Variants in SLC9C2 observed in about 807,000 individuals in gnomAD.
The protein encoded by SLC9C2 is sodium/hydrogen exchanger 11.
A neutral mutation model predicts 140.2 loss-of-function variants in SLC9C2; 75 were observed. The observed-to-expected ratio is 0.53, with a 90% CI of 0.44 to 0.65. The LOEUF is 0.65. Among genes scored for constraint, SLC9C2 ranks in the 30% least tolerant of loss-of-function variants. The probability of loss-of-function intolerance (pLI) is 0.00; values close to 1 mark genes in which losing one functional copy is unlikely to be tolerated. For synonymous variants in SLC9C2, 375 were observed against 420.9 expected (o/e 0.89, Z 1.34); for missense variants, 1,074 against 1,331.8 (o/e 0.81, Z 3.01).
chr1:173,600,157 G>T lies in SLC9C2; in HGVS notation c.188C>A (p.Ser63Ter), dbSNP rs772755487. 6.8e-6 allele frequency: 11 copies of T among 1,611,566 alleles called. No individual in the cohort carries two copies. Among genetic ancestry groups the T allele is most frequent in the Non-Finnish European group, 9.3e-6 (11 of 1,178,754 alleles). The change falls in exon 3 of 28, where the codon TCA (serine) becomes TAA (stop). Residue 63 changes from serine (S) to a stop codon, truncating the protein, a stop_gained. Coordinates refer to ENST00000367714, the MANE Select transcript of SLC9C2 (RefSeq NM_178527.4). LOFTEE classifies it high-confidence loss of function. The part of the protein sequence containing the change: ...EVIVLTILSL[S>*]GFVIGHMAYN... ...GGCCATGTGTCCTATCACGAATCCT[G>T]ATAGAGAAAGAATCGTCAAAACAAT... is the stretch of plus-strand genomic sequence containing the variant.
rs777198166 is a variant in SLC9C2, at chr1:173,529,930, A to G, written c.2288T>C (p.Ile763Thr). Reference sequence around the variant, plus strand: ...CTGATATATTGATTCACAGACAGCTATTTGTTTTATTAGAAGTTTGGCATC... The same window carrying G: ...CTGATATATTGATTCACAGACAGCTGTTTGTTTTATTAGAAGTTTGGCATC... The part of the protein sequence containing the change: ...QEDAKLLIKQ[I>T]AVCESIYQKL... The change falls in exon 18 of 28, where the codon ATA becomes ACA. Residue 763 changes from isoleucine (I) to threonine (T), a missense_variant. Transcript: ENST00000367714. The G allele has an allele frequency of 1.2e-6, 2 of 1,611,316 alleles. No individual in the cohort carries two copies. Among genetic ancestry groups the G allele is most frequent in the Admixed American group, 1.7e-5 (1 of 59,380 alleles).
At chr1:173,597,502 G>GA (rs11410454) in intron 4 of SLC9C2, among the ~76,000 whole-genome samples, 24,102 of 151,964 alleles carry the variant, frequency 0.16, 6,354 homozygotes, top group African/African-American at 0.55. Context: ...GCATGATTAA[G>GA]AAAAAAACAT....
intron 13 of SLC9C2, among the ~76,000 whole-genome samples, chr1:173,542,229 A>C (rs1256464968): frequency 1.3e-5 from 2 of 152,172 alleles, no homozygotes; most frequent in Non-Finnish European, 2.9e-5. Context: ...CACTATAAAC[A>C]CCTCTATGCA....
intron 9 of SLC9C2, among the ~76,000 whole-genome samples, chr1:173,563,014 C>T (rs551878054): frequency 2.0e-5 from 3 of 151,700 alleles, no homozygotes; most frequent in Non-Finnish European, 4.4e-5. Flanking sequence ...CTGGTGGAGG[C>T]GGACAGCAGG....
chr1:173,540,569 T>C (rs1571508524), intron 13 of SLC9C2, among the ~76,000 whole-genome samples: 1 of 152,092 alleles, frequency 6.6e-6, no homozygotes, highest in Non-Finnish European at 1.5e-5. Context: ...AGCAGGAGGC[T>C]GGAGGGAGGC....
chr1:173,558,207 T>C (rs538434938), intron 9 of SLC9C2, among the ~76,000 whole-genome samples: 17 of 152,318 alleles, frequency 1.1e-4, no homozygotes, highest in South Asian at 4.1e-4. Flanking sequence ...TCAACTATAA[T>C]TGCACAAGTC....
Position 173,521,257 on chromosome 1 carries a change from T to C in SLC9C2, c.2739+44A>G, listed in dbSNP as rs764162088. The C allele has an allele frequency of 3.7e-6, 4 of 1,082,578 alleles. No homozygotes were observed. In the East Asian group the frequency reaches 1.2e-4, roughly 33 times the overall value. 67.1% of individuals were successfully genotyped at this position (1,082,578 alleles called of 1,614,324 possible). Reference sequence around the variant, plus strand: ...TATTCTACAATTACATGTTTCAAAATACATTTTAAGTAAAAAAAAAAAAAA... The same window carrying C: ...TATTCTACAATTACATGTTTCAAAACACATTTTAAGTAAAAAAAAAAAAAA... On this transcript the variant is annotated intron_variant, in intron 22 of 27. Transcript: ENST00000367714.
intron 7 of SLC9C2, among the ~76,000 whole-genome samples, chr1:173,577,514 T>C (rs148209736): frequency 0.017 from 2,525 of 152,264 alleles, 39 homozygotes; most frequent in Non-Finnish European, 0.026. Context: ...AGTCTTCAAA[T>C]AGCACATTAA....
chr1:173,588,464 C>T (rs913613501), intron 4 of SLC9C2, among the ~76,000 whole-genome samples: 1 of 152,106 alleles, frequency 6.6e-6, no homozygotes, highest in African/African-American at 2.4e-5. Context: ...TTTTGTTTTA[C>T]TTTCTGTGAG....
At chr1:173,561,433 C>T (rs775618828) in intron 9 of SLC9C2, among the ~76,000 whole-genome samples, 1 of 152,174 alleles carries the variant, frequency 6.6e-6, no homozygotes, top group Non-Finnish European at 1.5e-5. Flanking sequence ...CATAGCTGTA[C>T]AACCAAGACC....
intron 13 of SLC9C2, among the ~76,000 whole-genome samples, chr1:173,541,513 T>C (rs557521406): frequency 2.6e-5 from 4 of 152,186 alleles, no homozygotes; most frequent in Admixed American, 6.5e-5. Flanking sequence ...GTGGACCTAA[T>C]AGACATCTAC....
chr1:173,533,197 C>T (rs1044002579), intron 17 of SLC9C2, among the ~76,000 whole-genome samples: 9 of 152,092 alleles, frequency 5.9e-5, no homozygotes, highest in African/African-American at 1.9e-4. Flanking sequence ...TCTTTCAAAA[C>T]AATGAGGTTT....
intron 9 of SLC9C2, among the ~76,000 whole-genome samples, chr1:173,571,086 G>A (rs938654378): frequency 1.3e-5 from 2 of 152,162 alleles, no homozygotes; most frequent in Non-Finnish European, 2.9e-5. Context: ...CTGCAGGGGG[G>A]TGAGAGGGAT....
intron 8 of SLC9C2, among the ~76,000 whole-genome samples, chr1:173,575,027 G>A (rs1012510244): frequency 6.6e-6 from 1 of 152,044 alleles, no homozygotes; most frequent in African/African-American, 2.4e-5. Flanking sequence ...GGCTGAGGTG[G>A]GAGGATCGCT....
At chr1:173,564,954 CTTT>C (rs1185973713) in intron 9 of SLC9C2, among the ~76,000 whole-genome samples, 1 of 138,550 alleles carries the variant, frequency 7.2e-6, no homozygotes, top group Non-Finnish European at 1.6e-5. Flanking sequence ...TTTCTTTTTT[CTTT>C]TTTTCTTTTT....
In SLC9C2 at chr1:173,524,066, T is replaced by C; in HGVS notation, c.2543A>G (p.Asn848Ser). Residue 848 changes from asparagine (N) to serine (S), a missense_variant, in exon 21 of 28, where the codon AAT (asparagine) becomes AGT (serine). Physicochemically the swap from Asn to Ser is conservative, Grantham distance 46 (BLOSUM62 1). Coordinates refer to ENST00000367714, the MANE Select transcript of SLC9C2 (RefSeq NM_178527.4). ...KVLLKKLKAL[N>S]NFPKAIPPPT... The stretch of plus-strand genomic sequence containing the variant: ...GGGTGGGATTGCCTTTGGAAAGTTA[T>C]TTAGTGCTTTTAATTTTTTAAGAAG... 1 of 1,612,008 alleles carries C rather than the reference T, an allele frequency of 6.2e-7. No individual in the cohort carries two copies. The highest frequency in any genetic ancestry group is 1.1e-5 in the South Asian group (1 of 90,550).
chr1:173,550,424 A>AT (rs748844025), intron 11 of SLC9C2, among the ~76,000 whole-genome samples: 9 of 120,154 alleles, frequency 7.5e-5, no homozygotes, highest in Non-Finnish European at 1.3e-4. Context: ...TTTTTATTTT[A>AT]TTTATTTATT....
intron 10 of SLC9C2, among the ~76,000 whole-genome samples, chr1:173,557,138 C>T (rs1663764116): frequency 6.6e-6 from 1 of 152,170 alleles, no homozygotes; most frequent in Non-Finnish European, 1.5e-5. Flanking sequence ...TCTAATACCA[C>T]ATCCATAACT....
chr1:173,580,187 C>T (rs1269155194), intron 7 of SLC9C2, among the ~76,000 whole-genome samples: 1 of 151,884 alleles, frequency 6.6e-6, no homozygotes, highest in East Asian at 1.9e-4. Flanking sequence ...TCACTGTGGC[C>T]AATTTCGAGC....
Sources: gnomAD v4.1 joint callset for allele counts (sites outside exome capture counted in the v4.1 genomes callset) on GRCh38, gnomAD v4.1.1 for gene constraint, MANE v1.5 for transcripts, NCBI Gene and HGNC (gene_info 2026-07-23, HGNC 2026-07-21) for gene names.